Variants in STOML3 observed in about 807,000 individuals in gnomAD.
The protein encoded by STOML3 is stomatin like 3, also known as stomatin-like protein 3.
STOML3 carries 31 observed loss-of-function variants against 29.5 expected under a neutral mutation model. The observed-to-expected ratio is 1.05, with a 90% CI of 0.79 to 1.42. STOML3 has a LOEUF of 1.42. STOML3 is among the 40% of genes most tolerant of loss of function. STOML3 has a pLI of 0.00. For missense variants in STOML3, 380 were observed against 363.0 expected (o/e 1.05, Z -0.38); for synonymous variants, 122 against 139.8 (o/e 0.87, Z 0.90).
chr13:38,988,472 T>A (rs187949672), intron 1 of STOML3, among the ~76,000 whole-genome samples: 760 of 58,662 alleles, frequency 0.013, 14 homozygotes, highest in Middle Eastern at 0.016. Context: ...ATTTTATATA[T>A]AATATATTTT....
chr13:38,982,730 AG>A (rs1881311267), intron 1 of STOML3, among the ~76,000 whole-genome samples: 1 of 152,186 alleles, frequency 6.6e-6, no homozygotes, highest in African/African-American at 2.4e-5. Context: ...CAAGTTGAAA[AG>A]CTACACATCT....
At chr13:38,970,560 G>T (rs10492688) in intron 4 of STOML3, among the ~76,000 whole-genome samples, 172 bp from the exon 5 acceptor site, 1 of 152,074 alleles carries the variant, frequency 6.6e-6, no homozygotes, top group East Asian at 1.9e-4. Context: ...CAGCTGATAC[G>T]CAATTCCTCT....
intron 1 of STOML3, among the ~76,000 whole-genome samples, chr13:38,988,647 A>G (rs1401632788): frequency 7.5e-6 from 1 of 133,768 alleles, no homozygotes; most frequent in Non-Finnish European, 1.6e-5. Context: ...TATATCATAT[A>G]TTTTATATAT....
chr13:38,967,665 C>G (rs745617864), intron 6 of STOML3, among the ~76,000 whole-genome samples: 2 of 152,182 alleles, frequency 1.3e-5, no homozygotes, highest in Non-Finnish European at 2.9e-5. Flanking sequence ...AAAGTGATCT[C>G]TCTTCTATCA....
intron 1 of STOML3, 148 bp from the exon 2 acceptor site, chr13:38,976,945 T>TCA: frequency 1.5e-6 from 1 of 660,228 alleles, no homozygotes; most frequent in Admixed American, 2.5e-5. Context: ...ATGGATGTAG[T>TCA]CACACACACG....
chr13:38,990,633 G>T (rs369709428), intron 1 of STOML3, 37 bp downstream of exon 1: 2 of 1,610,102 alleles, frequency 1.2e-6, no homozygotes, highest in Admixed American at 1.7e-5. Context: ...TGCCATATAT[G>T]TAAAAAACAA....
intron 1 of STOML3, among the ~76,000 whole-genome samples, chr13:38,989,704 C>T (rs1195928241): frequency 6.6e-6 from 1 of 152,042 alleles, no homozygotes; most frequent in Non-Finnish European, 1.5e-5. Context: ...GCCATTTTGC[C>T]CAGGCTGGTC....
At chr13:38,967,263 G>A (rs961124023) in intron 6 of STOML3, among the ~76,000 whole-genome samples, 2 of 152,024 alleles carry the variant, frequency 1.3e-5, no homozygotes, top group South Asian at 2.1e-4. Context: ...TGTACAAATC[G>A]TAGGTCCCTA....
At chr13:38,988,365 TATA>T (rs1463520171) in intron 1 of STOML3, among the ~76,000 whole-genome samples, 2 of 93,664 alleles carry the variant, frequency 2.1e-5, no homozygotes, top group African/African-American at 5.7e-5. Flanking sequence ...ATATATTTTA[TATA>T]ATATATTATA....
chr13:38,981,668 G>A (rs1322295657), intron 1 of STOML3, among the ~76,000 whole-genome samples: 1 of 152,100 alleles, frequency 6.6e-6, no homozygotes, highest in African/African-American at 2.4e-5. Context: ...AATCAGAATA[G>A]GATGATGTAC....
In STOML3 at chr13:38,970,377, T is replaced by G; in HGVS notation, c.324A>C (p.Arg108Ser). Reference sequence around the variant, plus strand: ...CATCTACCTGAGTAGTTACGGAGTCTCTGGTGAGGATCTGTGGAGTAAGAA... The same window carrying G: ...CATCTACCTGAGTAGTTACGGAGTCGCTGGTGAGGATCTGTGGAGTAAGAA... ...CNIPPQEILT[R>S]DSVTTQVDGV... Residue 108 changes from arginine to serine, a missense_variant, in exon 5 of 7, where the codon AGA becomes AGC. Physicochemically the swap from Arg to Ser is moderately radical, Grantham distance 110. Transcript: ENST00000379631. 1 of 1,614,024 alleles carries G rather than the reference T, an allele frequency of 6.2e-7. No homozygotes were observed. Among genetic ancestry groups the G allele is most frequent in the Non-Finnish European group, 8.5e-7 (1 of 1,179,926 alleles).
intron 4 of STOML3, among the ~76,000 whole-genome samples, 153 bp downstream of exon 4, chr13:38,972,359 G>A (rs1250360447): frequency 1.3e-5 from 2 of 152,198 alleles, no homozygotes; most frequent in East Asian, 1.9e-4. Flanking sequence ...AGTTTTGGGA[G>A]CCACCAAGGA....
intron 1 of STOML3, among the ~76,000 whole-genome samples, chr13:38,986,056 GGTTT>G (rs1868530230): frequency 2.4e-5 from 1 of 42,024 alleles, no homozygotes; most frequent in African/African-American, 1.0e-4. Flanking sequence ...TTTTTTTTTT[GGTTT>G]GTTTGTTTTT....
In STOML3 at chr13:38,966,985, G is replaced by A. The variant is rs1205626715; in HGVS notation, c.716C>T (p.Ala239Val). 6.2e-7 allele frequency: 1 copy of A among 1,613,902 alleles called. No homozygotes were observed. Among genetic ancestry groups the A allele is most frequent in the East Asian group, 2.2e-5 (1 of 44,872 alleles). ...CAGCTGGAGAGCTATGGGAGACTCA[G>A]CCAGCACCATGGAGGCTGACTTCAG... ...KSLKSASMVLAESPIALQLRY... is the reference protein window; with the variant it reads ...KSLKSASMVLVESPIALQLRY... The change falls in exon 7 of 7, where the codon GCT (alanine) becomes GTT (valine). Residue 239 changes from alanine (A) to valine (V), a missense_variant. Ala to Val is a moderately conservative substitution (Grantham distance 64). Coordinates refer to ENST00000379631, the MANE Select transcript of STOML3 (RefSeq NM_145286.3).
chr13:38,972,522 G>A lies in STOML3; in HGVS notation c.302C>T (p.Pro101Leu). 6.2e-7 allele frequency: 1 copy of A among 1,613,884 alleles called. No homozygotes were observed. Among genetic ancestry groups the A allele is most frequent in the Non-Finnish European group, 8.5e-7 (1 of 1,179,830 alleles). The change falls in exon 4 of 7, where the codon CCT becomes CTT. Residue 101 changes from proline to leucine, a missense_variant. Coordinates refer to ENST00000379631, the MANE Select transcript of STOML3 (RefSeq NM_145286.3). Reference sequence around the variant, plus strand: ...CTTAATCAGTACTACCTCTTGTGGAGGAATGTTGCAAGTAACTGTTCGGAG... The same window carrying A: ...CTTAATCAGTACTACCTCTTGTGGAAGAATGTTGCAAGTAACTGTTCGGAG... ...VDLRTVTCNI[P>L]PQEILTRDSV...
At chr13:38,983,463 A>G (rs1424605993) in intron 1 of STOML3, among the ~76,000 whole-genome samples, 2 of 152,152 alleles carry the variant, frequency 1.3e-5, no homozygotes, top group East Asian at 1.9e-4. Context: ...CTAAATATCA[A>G]TTGTGGATGT....
chr13:38,985,222 A>G (rs903026867), intron 1 of STOML3, among the ~76,000 whole-genome samples: 4 of 152,068 alleles, frequency 2.6e-5, no homozygotes, highest in African/African-American at 9.7e-5. Context: ...TCAGGAGTCC[A>G]AGACCAGCCT....
chr13:38,984,019 T>TC (rs955883525), intron 1 of STOML3, among the ~76,000 whole-genome samples: 69 of 151,570 alleles, frequency 4.6e-4, no homozygotes, highest in Middle Eastern at 3.4e-3. Context: ...CCTGGAGGCA[T>TC]CCCCCCCCAC....
At chr13:38,981,770 G>T (rs1442517720) in intron 1 of STOML3, among the ~76,000 whole-genome samples, 1 of 152,138 alleles carries the variant, frequency 6.6e-6, no homozygotes. Context: ...GCAATACCAT[G>T]TTTAGCAAGG....
Sources: allele counts gnomAD v4.1 joint callset (sites outside exome capture counted in the v4.1 genomes callset), GRCh38; gene constraint gnomAD v4.1.1; transcripts MANE v1.5; gene names NCBI Gene and HGNC (gene_info 2026-07-23, HGNC 2026-07-21).